The following TENM4 variants were observed in gnomAD, a reference collection of about 807,000 sequenced individuals.
TENM4 encodes the protein teneurin transmembrane protein 4.
In TENM4, 82 loss-of-function variants were observed where a neutral mutation model predicts 243.3. The ratio of observed to expected loss-of-function variants is 0.34; its 90% CI spans 0.28 to 0.40. The LOEUF is 0.40. Among genes scored for constraint, TENM4 ranks in the 10% least tolerant of loss-of-function variants. TENM4 has a pLI of 1.00. For missense variants in TENM4, 3,138 were observed against 3,673.3 expected (o/e 0.85, Z 3.77); for synonymous variants, 1,412 against 1,456.3 (o/e 0.97, Z 0.69).
chr11:78,694,305 A>G (rs1481694800), intron 28 of TENM4, among the ~76,000 whole-genome samples: 1 of 152,172 alleles, frequency 6.6e-6, no homozygotes, highest in African/African-American at 2.4e-5. Flanking sequence ...TTGTCTGTGG[A>G]TAATTATGGT....
At chr11:79,430,811 G>A (rs1408553876) in intron 1 of TENM4, among the ~76,000 whole-genome samples, 2 of 152,156 alleles carry the variant, frequency 1.3e-5, no homozygotes, top group African/African-American at 2.4e-5. Flanking sequence ...ACCCCATGCT[G>A]CTCAGTCAGA....
chr11:78,798,315 A>G (rs999257904), intron 15 of TENM4, among the ~76,000 whole-genome samples: 1 of 152,202 alleles, frequency 6.6e-6, no homozygotes, highest in Admixed American at 6.5e-5. Context: ...TAATTTGATA[A>G]CAGGGCTTTT....
chr11:78,705,561 G>A (rs1042650524), intron 27 of TENM4, among the ~76,000 whole-genome samples: 1 of 152,218 alleles, frequency 6.6e-6, no homozygotes, highest in Non-Finnish European at 1.5e-5. Flanking sequence ...CAGAGGTCTT[G>A]CAGCTCCCAC....
At chr11:79,351,663 G>A (rs1025829398) in intron 1 of TENM4, among the ~76,000 whole-genome samples, 13 of 152,064 alleles carry the variant, frequency 8.5e-5, no homozygotes, top group Admixed American at 4.6e-4. Flanking sequence ...CTGAGATTGC[G>A]CCACTGCACT....
intron 1 of TENM4, among the ~76,000 whole-genome samples, chr11:79,413,968 C>G (rs1858757241): frequency 6.6e-6 from 1 of 152,120 alleles, no homozygotes; most frequent in Admixed American, 6.5e-5. Context: ...CCTTGTGGCT[C>G]TGCATGGAGC....
chr11:78,659,209 A>G (rs189289727), intron 33 of TENM4, among the ~76,000 whole-genome samples: 2 of 152,356 alleles, frequency 1.3e-5, no homozygotes, highest in Admixed American at 1.3e-4. Flanking sequence ...AGGAACTAGT[A>G]ATAGCCATAG....
intron 4 of TENM4, among the ~76,000 whole-genome samples, chr11:79,112,633 A>G (rs1336230324): frequency 1.3e-5 from 2 of 152,108 alleles, no homozygotes; most frequent in Admixed American, 6.6e-5. Context: ...GGCTTCAGTG[A>G]CTTCCCAAGT....
rs1191786919 is a variant in TENM4 at position 79,139,702 on chromosome 11, TA to T, written c.-66+9007del. On this transcript the variant is annotated intron_variant, in intron 4 of 33. Transcript: ENST00000278550. ...ATATAAGTATATAAAATATATATAA[TA>T]TTTATATAAGTATATAAAATATATA... Among the ~76,000 whole-genome samples the T allele has an allele frequency of 5.4e-3, 460 of 85,810 alleles. 47 individuals are homozygous for T. The highest frequency in any genetic ancestry group is 0.015 in the African/African-American group (276 of 18,106). 56.3% of individuals were successfully genotyped at this position (85,810 alleles called of 152,430 possible). A position where few individuals can be genotyped will look rare whatever the true frequency, so the allele number is the denominator to read the frequency against.
chr11:79,407,450 C>T (rs563701498), intron 1 of TENM4, among the ~76,000 whole-genome samples: 5 of 152,314 alleles, frequency 3.3e-5, no homozygotes, highest in South Asian at 2.1e-4. Flanking sequence ...TAAGCACTTT[C>T]GCAGATCCTG....
intron 1 of TENM4, among the ~76,000 whole-genome samples, chr11:79,301,898 G>GC (rs1290855597): frequency 6.6e-6 from 1 of 152,164 alleles, no homozygotes; most frequent in Non-Finnish European, 1.5e-5. Context: ...AAGCCCAGCA[G>GC]ATGCTGTCAT....
At chr11:78,974,671 C>A (rs1857610984) in intron 6 of TENM4, among the ~76,000 whole-genome samples, 2 of 151,874 alleles carry the variant, frequency 1.3e-5, no homozygotes, top group African/African-American at 4.8e-5. Flanking sequence ...TGGTAGCTCT[C>A]CCACACCTCC....
Position 78,787,006 on chromosome 11 carries a change from C to T in TENM4, c.2257G>A (p.Ala753Thr). 6.4e-7 allele frequency: 1 copy of T among 1,570,732 alleles called. No individual in the cohort carries two copies. Among genetic ancestry groups the T allele is most frequent in the South Asian group, 1.2e-5 (1 of 85,350 alleles). ...TGGCAGGCCCGCTGGTCGCAGGCTG[C>T]CCCCATCCAGCCATCCTCGCAGCGG... is the stretch of plus-strand genomic sequence containing the variant. ...TCRCEDGWMG[A>T]ACDQRACHPR... Residue 753 changes from alanine (A) to threonine (T), a missense_variant, in exon 16 of 34, where the codon GCA (alanine) becomes ACA (threonine). Physicochemically the swap from Ala to Thr is moderately conservative, Grantham distance 58. Around this residue, in one of 2 missense-constraint regions of TENM4, gnomAD observed 2,467 missense variants for 3,059.1 expected, o/e 0.81. Transcript: ENST00000278550.
Position 79,294,562 on chromosome 11 carries a change from T to C in TENM4, c.-265+2926A>G, listed in dbSNP as rs371189584. 4.6e-5 allele frequency among the ~76,000 whole-genome samples: 7 copies of C among 152,054 alleles called. No homozygotes were observed. The East Asian group carries it at 9.7e-4, about 21-fold the overall frequency. Reference sequence around the variant, plus strand: ...TAGGCTCGTTCAGTAAGAAGCTAAGTTGGGGGCCAGGCGCGGTGGCTTGTG... The same window carrying C: ...TAGGCTCGTTCAGTAAGAAGCTAAGCTGGGGGCCAGGCGCGGTGGCTTGTG... On this transcript the variant is annotated intron_variant, in intron 2 of 33. Coordinates refer to ENST00000278550, the MANE Select transcript of TENM4 (RefSeq NM_001098816.3).
chr11:78,860,962 AG>A (rs1858805018), intron 10 of TENM4, among the ~76,000 whole-genome samples: 1 of 152,246 alleles, frequency 6.6e-6, no homozygotes, highest in Admixed American at 6.5e-5. Context: ...TAATTTCATT[AG>A]AGTGAGAGAT....
At chr11:78,726,342 C>T (rs2135857782) in intron 22 of TENM4, 120 bp from the exon 23 acceptor site, 1 of 1,248,024 alleles carries the variant, frequency 8.0e-7, no homozygotes, top group Non-Finnish European at 1.1e-6. Context: ...GGTCATATTT[C>T]TAAGTGGCAA....
chr11:79,233,004 C>T (rs569097475), intron 2 of TENM4, among the ~76,000 whole-genome samples: 1 of 152,192 alleles, frequency 6.6e-6, no homozygotes, highest in Non-Finnish European at 1.5e-5. Context: ...AGGAACCACC[C>T]TTCCCTCTAG....
chr11:78,665,665 G>C (rs1363370759), intron 32 of TENM4, among the ~76,000 whole-genome samples: 1 of 152,222 alleles, frequency 6.6e-6, no homozygotes, highest in African/African-American at 2.4e-5. Flanking sequence ...TTCTAATCCA[G>C]CCTTGCCACT....
Position 79,069,906 on chromosome 11 carries a change from G to C in TENM4, c.39C>G (p.Thr13=), listed in dbSNP as rs1457243265. The C allele has an allele frequency of 5.8e-6, 9 of 1,547,644 alleles. No individual in the cohort carries two copies. Among genetic ancestry groups the C allele is most frequent in the Non-Finnish European group, 7.8e-6 (9 of 1,146,664 alleles). Residue 13 remains threonine (T), a synonymous_variant, in exon 5 of 34, where the codon ACC becomes ACG. Coordinates refer to ENST00000278550, the MANE Select transcript of TENM4 (RefSeq NM_001098816.3). The stretch of plus-strand genomic sequence containing the variant: ...AGCGGCGCTCGGCGTCGCGGCGCCG[G>C]GTCAGCGAGCGGTAAGGCTTCCTCT... ...VKERKPYRSL[T]RRRDAERRYT...
intron 2 of TENM4, among the ~76,000 whole-genome samples, chr11:79,260,686 T>C (rs926854920): frequency 2.6e-5 from 4 of 152,122 alleles, no homozygotes; most frequent in African/African-American, 9.7e-5. Context: ...TTTGCTTTAA[T>C]TCAACTCCCT....
Sources: allele counts gnomAD v4.1 joint callset (sites outside exome capture counted in the v4.1 genomes callset), GRCh38; gene constraint gnomAD v4.1.1; regional missense constraint gnomAD v4.1.1; transcripts MANE v1.5; gene names NCBI Gene and HGNC (gene_info 2026-07-23, HGNC 2026-07-21).